The following RNF11 variants were observed in gnomAD, a reference collection of about 807,000 sequenced individuals.
RNF11 encodes ring finger protein 11.
Under a neutral mutation model 15.8 loss-of-function variants are expected in RNF11, and 4 were observed. That is an observed-to-expected ratio of 0.25 (90% CI 0.12 to 0.58). The LOEUF is 0.58. RNF11 is among the 20% of genes least tolerant of loss of function. The probability of loss-of-function intolerance (pLI) is 0.91; values close to 1 mark genes in which losing one functional copy is unlikely to be tolerated. For missense variants in RNF11, 139 were observed against 194.4 expected, an observed-to-expected ratio of 0.71 and a Z score of 1.70; for synonymous variants, 68 against 72.3, an observed-to-expected ratio of 0.94 and a Z score of 0.30.
At position 51,249,630 on chromosome 1, in the gene RNF11, A is replaced by G. The variant is rs1646867911; in HGVS notation, c.123+12751A>G. On this transcript the variant is annotated intron_variant, in intron 1 of 2. Coordinates refer to ENST00000242719, the MANE Select transcript of RNF11 (RefSeq NM_014372.5). ...TTTGTGAAATTTGTGTTCTTACGTA[A>G]TGGCAGTAGTTCACATTCTTTTTCA... 2.0e-5 allele frequency among the ~76,000 whole-genome samples: 3 copies of G among 152,294 alleles called. No individual in the cohort carries two copies. In the South Asian group the frequency reaches 6.2e-4, roughly 32 times the overall value.
rs939545142 is a variant in RNF11, at chr1:51,250,668, T to C, written c.123+13789T>C. On this transcript the variant is annotated intron_variant, in intron 1 of 2. Transcript: ENST00000242719. ...TCTGGCGTGGGCCTTGATGAGGTGG[T>C]CAGTGAATTCCTGATCGGGAGACTT... The C allele has an allele frequency of 2.0e-5, 17 of 832,496 alleles. No individual in the cohort carries two copies. The African/African-American group carries it at 2.7e-4, about 13-fold the overall frequency. The allele number at this position is 832,496 out of a possible 1,614,324, so 51.6% of individuals were successfully genotyped here. A position where few individuals can be genotyped will look rare whatever the true frequency, so the allele number is the denominator to read the frequency against.
chr1:51,241,065 C>T (rs982655436), intron 1 of RNF11, among the ~76,000 whole-genome samples: 1 of 152,152 alleles, frequency 6.6e-6, no homozygotes, highest in Non-Finnish European at 1.5e-5. Context: ...GATCTGCCCA[C>T]CTTGGCCTTC....
At chr1:51,268,873 C>T (rs894739728) in intron 1 of RNF11, among the ~76,000 whole-genome samples, 1 of 152,204 alleles carries the variant, frequency 6.6e-6, no homozygotes, top group Non-Finnish European at 1.5e-5. Flanking sequence ...GACAGTAGCA[C>T]TTAGCTTAAA....
Position 51,272,896 on chromosome 1 carries a change from A to G in RNF11, c.*1574A>G, listed in dbSNP as rs1361609082. 6.6e-6 allele frequency: 1 copy of G among 152,144 alleles called. No homozygotes were observed. Among genetic ancestry groups the G allele is most frequent in the East Asian group, 1.9e-4 (1 of 5,194 alleles). 9.4% of individuals were successfully genotyped at this position (152,144 alleles called of 1,614,324 possible). A position where few individuals can be genotyped will look rare whatever the true frequency, so the allele number is the denominator to read the frequency against. Reference sequence around the variant, plus strand: ...TAGAGGAATGTAGTATGTCATAAGTACTTTGTAAAGATTTGACATTCAACT... The same window carrying G: ...TAGAGGAATGTAGTATGTCATAAGTGCTTTGTAAAGATTTGACATTCAACT... On this transcript the variant is annotated 3_prime_UTR_variant, in exon 3 of 3. Coordinates refer to ENST00000242719, the MANE Select transcript of RNF11 (RefSeq NM_014372.5).
intron 1 of RNF11, among the ~76,000 whole-genome samples, chr1:51,247,419 A>G (rs144729771): frequency 2.0e-5 from 3 of 151,584 alleles, no homozygotes; most frequent in African/African-American, 4.8e-5. Flanking sequence ...TAGGTTCCTC[A>G]GGTTAAATGG....
At chr1:51,254,201 GT>G (rs1254008495) in intron 1 of RNF11, among the ~76,000 whole-genome samples, 2 of 151,858 alleles carry the variant, frequency 1.3e-5, no homozygotes, top group East Asian at 3.8e-4. Flanking sequence ...TGTTGATTAG[GT>G]TATAGTTTTT....
At position 51,272,094 on chromosome 1, in the gene RNF11, TTTATC is replaced by T. The variant is rs1646981761; in HGVS notation, c.*774_*778del. The T allele has an allele frequency of 6.6e-6, 1 of 152,594 alleles. No individual in the cohort carries two copies. The highest frequency in any genetic ancestry group is 1.5e-5 in the Non-Finnish European group (1 of 68,024). 9.5% of individuals were successfully genotyped at this position (152,594 alleles called of 1,614,324 possible). On this transcript the variant is annotated 3_prime_UTR_variant, in exon 3 of 3. Coordinates refer to ENST00000242719, the MANE Select transcript of RNF11 (RefSeq NM_014372.5). Reference sequence around the variant, plus strand: ...TTTAATATTACCCTTTCCTATGTGTTTTATCTAATTATTTTGGTTGTTAATATGGT... The same window carrying T: ...TTTAATATTACCCTTTCCTATGTGTTTAATTATTTTGGTTGTTAATATGGT...
intron 1 of RNF11, among the ~76,000 whole-genome samples, chr1:51,242,725 G>T (rs555158644): frequency 4.6e-5 from 7 of 152,222 alleles, no homozygotes; most frequent in African/African-American, 1.7e-4. Flanking sequence ...GTCTCCCAGT[G>T]TTGGGATTAC....
intron 1 of RNF11, among the ~76,000 whole-genome samples, chr1:51,260,449 T>C (rs755215515): frequency 3.3e-5 from 5 of 152,190 alleles, no homozygotes; most frequent in Non-Finnish European, 7.4e-5. Flanking sequence ...TGGCCCTCTT[T>C]CAAACTTTCA....
At chr1:51,251,404 G>A (rs949124561) in intron 1 of RNF11, 25 of 1,344,550 alleles carry the variant, frequency 1.9e-5, no homozygotes, top group East Asian at 1.2e-4. Flanking sequence ...AAACCTCCGC[G>A]GAAGCCACCG....
At chr1:51,265,388 C>G (rs1646950303) in intron 1 of RNF11, among the ~76,000 whole-genome samples, 1 of 151,366 alleles carries the variant, frequency 6.6e-6, no homozygotes, top group South Asian at 2.1e-4. Flanking sequence ...ACCCTGTCTT[C>G]CATTTCTATT....
chr1:51,273,323 G>A lies in RNF11; in HGVS notation c.*2001G>A, dbSNP rs1443899649. Reference sequence around the variant, plus strand: ...TTCACAGAAGTTTGGTGGTAATATTGAAAGAACTAGCATTGGGCAGAATGT... The same window carrying A: ...TTCACAGAAGTTTGGTGGTAATATTAAAAGAACTAGCATTGGGCAGAATGT... On this transcript the variant is annotated 3_prime_UTR_variant, in exon 3 of 3. Transcript: ENST00000242719. 6.6e-6 allele frequency: 1 copy of A among 152,048 alleles called. No homozygotes were observed. The highest frequency in any genetic ancestry group is 1.5e-5 in the Non-Finnish European group (1 of 67,974). 9.4% of individuals were successfully genotyped at this position (152,048 alleles called of 1,614,324 possible).
chr1:51,252,102 A>T (rs1234064399), intron 1 of RNF11, among the ~76,000 whole-genome samples: 10 of 148,110 alleles, frequency 6.8e-5, no homozygotes, highest in Admixed American at 6.7e-5. Context: ...AAAAAAAAAA[A>T]GAAACAGAAA....
intron 1 of RNF11, among the ~76,000 whole-genome samples, chr1:51,243,945 C>T (rs1197743382): frequency 6.6e-6 from 1 of 152,166 alleles, no homozygotes; most frequent in African/African-American, 2.4e-5. Context: ...TATCCATTGC[C>T]CAGAATGTTC....
intron 1 of RNF11, among the ~76,000 whole-genome samples, chr1:51,260,356 T>C (rs1279239013): frequency 6.6e-6 from 1 of 152,222 alleles, no homozygotes; most frequent in African/African-American, 2.4e-5. Context: ...TGTCTCTCTT[T>C]AATTAAAATT....
At chr1:51,266,544 G>T (rs1350246373) in intron 1 of RNF11, among the ~76,000 whole-genome samples, 1 of 151,648 alleles carries the variant, frequency 6.6e-6, no homozygotes, top group Non-Finnish European at 1.5e-5. Flanking sequence ...TCTCACTGTA[G>T]CTCAACCTCC....
chr1:51,257,849 T>C (rs1646911634), intron 1 of RNF11, among the ~76,000 whole-genome samples: 1 of 101,726 alleles, frequency 9.8e-6, no homozygotes, highest in Non-Finnish European at 2.1e-5. Context: ...TTTTCTTTTC[T>C]TTTCTTTTTT....
At chr1:51,237,655 A>C (rs1372928721) in intron 1 of RNF11, among the ~76,000 whole-genome samples, 1 of 152,024 alleles carries the variant, frequency 6.6e-6, no homozygotes, top group Non-Finnish European at 1.5e-5. Flanking sequence ...CTTTTTGTAC[A>C]ATAATCAGTA....
Position 51,272,284 on chromosome 1 carries a change from C to T in RNF11, c.*962C>T, listed in dbSNP as rs1646982592. 1 of 152,616 alleles carries T rather than the reference C, an allele frequency of 6.6e-6. No individual in the cohort carries two copies. The highest frequency in any genetic ancestry group is 2.1e-4 in the South Asian group (1 of 4,832). 9.5% of individuals were successfully genotyped at this position (152,616 alleles called of 1,614,324 possible). On this transcript the variant is annotated 3_prime_UTR_variant, in exon 3 of 3. Transcript: ENST00000242719. ...AAAATTTTGATTTATTCTCTTTCTT[C>T]TGACCTCCTTGCCTCTTGTCTTGAA...
Sources: allele counts gnomAD v4.1 joint callset (sites outside exome capture counted in the v4.1 genomes callset), GRCh38; gene constraint gnomAD v4.1.1; transcripts MANE v1.5; gene names NCBI Gene and HGNC (gene_info 2026-07-23, HGNC 2026-07-21).